Variants in MEIOB observed in about 807,000 individuals in gnomAD.
The protein encoded by MEIOB is meiosis-specific with OB domain-containing protein.
A neutral mutation model predicts 53.1 loss-of-function variants in MEIOB; 50 were observed. The ratio of observed to expected loss-of-function variants is 0.94; its 90% CI spans 0.75 to 1.19. The LOEUF (loss-of-function observed/expected upper bound fraction) is 1.19, where lower values mean the gene tolerates loss of function less well. Ranked by LOEUF, MEIOB falls within the 50% of genes most tolerant of loss-of-function variation. The probability of loss-of-function intolerance (pLI) is 0.00; values close to 1 mark genes in which losing one functional copy is unlikely to be tolerated. For synonymous variants in MEIOB, 192 were observed against 182.5 expected (o/e 1.05, Z -0.42); for missense variants, 551 against 550.8 (o/e 1.00, Z 0.00).
At chr16:1,849,954 T>C (rs1476177623) in intron 9 of MEIOB, among the ~76,000 whole-genome samples, 2 of 152,252 alleles carry the variant, frequency 1.3e-5, no homozygotes, top group Non-Finnish European at 2.9e-5. Context: ...ACATAGTGTA[T>C]AAAATGTATT....
intron 10 of MEIOB, among the ~76,000 whole-genome samples, chr16:1,842,996 T>G: frequency 7.8e-5 from 1 of 12,828 alleles, no homozygotes; most frequent in South Asian, 5.0e-3. Context: ...GGAAGAGAAT[T>G]TAAAAGTACA....
chr16:1,851,226 C>T (rs1899162093), intron 9 of MEIOB, among the ~76,000 whole-genome samples: 1 of 152,160 alleles, frequency 6.6e-6, no homozygotes, highest in Non-Finnish European at 1.5e-5. Context: ...CTCCTGCTGG[C>T]CTTGAACTCC....
At chr16:1,861,568 G>C (rs1333512778) in intron 4 of MEIOB, among the ~76,000 whole-genome samples, 1 of 140,854 alleles carries the variant, frequency 7.1e-6, no homozygotes, top group African/African-American at 2.7e-5. Context: ...TTTGAGACAG[G>C]GTCTTACTCT....
At chr16:1,849,708 G>A (rs201727257) in intron 9 of MEIOB, among the ~76,000 whole-genome samples, 2 of 151,966 alleles carry the variant, frequency 1.3e-5, no homozygotes, top group East Asian at 3.9e-4. Flanking sequence ...ACAAATTCGT[G>A]CATTCTCGCG....
intron 7 of MEIOB, 46 bp downstream of exon 7, chr16:1,854,054 G>T: frequency 9.1e-7 from 1 of 1,101,342 alleles, no homozygotes; most frequent in Non-Finnish European, 1.3e-6. Context: ...ATGTCCTGGT[G>T]ATAACTACAG....
chr16:1,860,571 C>T (rs923191395), intron 4 of MEIOB, 96 bp from the exon 5 acceptor site: 11 of 692,846 alleles, frequency 1.6e-5, no homozygotes, highest in South Asian at 3.7e-5. Flanking sequence ...TGATCATCAT[C>T]GACTCTAGGC....
chr16:1,841,572 A>G (rs1898912659), intron 11 of MEIOB, among the ~76,000 whole-genome samples: 2 of 152,232 alleles, frequency 1.3e-5, no homozygotes, highest in Non-Finnish European at 2.9e-5. Context: ...AAGTTTGTCA[A>G]AAGTTTCTCA....
intron 4 of MEIOB, among the ~76,000 whole-genome samples, chr16:1,861,036 A>G (rs1899428057): frequency 6.6e-6 from 1 of 152,180 alleles, no homozygotes; most frequent in African/African-American, 2.4e-5. Flanking sequence ...CACACGTTAT[A>G]CTAGGTACAC....
At chr16:1,871,337 A>C (rs1460099124) in intron 1 of MEIOB, among the ~76,000 whole-genome samples, 2 of 124,512 alleles carry the variant, frequency 1.6e-5, no homozygotes, top group African/African-American at 6.2e-5. Flanking sequence ...CTCCTGCCTC[A>C]GCCTCCCGAG....
chr16:1,870,679 G>A lies in MEIOB; in HGVS notation c.-10+1314C>T, dbSNP rs187906664. 4.7e-3 allele frequency among the ~76,000 whole-genome samples: 713 copies of A among 152,282 alleles called. 7 individuals are homozygous for A. The highest frequency in any genetic ancestry group is 5.8e-3 in the Non-Finnish European group (395 of 68,024). On this transcript the variant is annotated intron_variant, in intron 1 of 13. Coordinates refer to ENST00000325962, the MANE Select transcript of MEIOB (RefSeq NM_001163560.3). ...GCCCTGCTTGTCAATATTATCCAAT[G>A]TACCAGTTTTTGTATTCAAGGCCTT...
intron 2 of MEIOB, 108 bp downstream of exon 2, chr16:1,867,999 T>C (rs1899636501): frequency 1.6e-6 from 1 of 630,458 alleles, no homozygotes; most frequent in Non-Finnish European, 2.8e-6. Context: ...TGAGTATCTA[T>C]ATACTTGCCA....
chr16:1,839,217 G>A (rs1331033206), intron 12 of MEIOB, 38 bp downstream of exon 12: 11 of 1,511,258 alleles, frequency 7.3e-6, no homozygotes, highest in Non-Finnish European at 9.8e-6. Flanking sequence ...CATTCACTTT[G>A]GAAATATTCT....
At position 1,868,156 on chromosome 16, in the gene MEIOB, G is replaced by A. The variant is rs79341666; in HGVS notation, c.20C>T (p.Ala7Val). The A allele has an allele frequency of 1.3e-3, 1,923 of 1,529,518 alleles. 17 individuals carry two copies. In the African/African-American group the frequency reaches 0.023, roughly 18 times the overall value. The allele number at this position is 1,529,518 out of a possible 1,614,324, so 94.7% of individuals were successfully genotyped here. A position where few individuals can be genotyped will look rare whatever the true frequency, so the allele number is the denominator to read the frequency against. Residue 7 changes from alanine (A) to valine (V), a missense_variant, in exon 2 of 14, where the codon GCG (alanine) becomes GTG (valine). Physicochemically the swap from Ala to Val is moderately conservative, Grantham distance 64. Transcript: ENST00000325962. ...ATCTGAAAGGGTAGTGAAAATCCTCGCTGCAAAGGAGTTTGCCATTTTTTT... is the reference window on the plus strand; with the variant it reads ...ATCTGAAAGGGTAGTGAAAATCCTCACTGCAAAGGAGTTTGCCATTTTTTT... MANSFAARIFTTLSDLQ... is the reference protein window; with the variant it reads MANSFAVRIFTTLSDLQ...
intron 4 of MEIOB, among the ~76,000 whole-genome samples, chr16:1,861,047 C>T (rs1899428432): frequency 6.6e-6 from 1 of 152,052 alleles, no homozygotes; most frequent in Non-Finnish European, 1.5e-5. Context: ...CTAGGTACAC[C>T]ATCTCATTTA....
intron 1 of MEIOB, among the ~76,000 whole-genome samples, chr16:1,870,119 G>A (rs1468155712): frequency 2.6e-5 from 4 of 151,106 alleles, no homozygotes; most frequent in South Asian, 4.2e-4. Flanking sequence ...TGATCCACCC[G>A]CATCAGCCTC....
intron 3 of MEIOB, among the ~76,000 whole-genome samples, chr16:1,863,813 C>G (rs903867195): frequency 1.3e-5 from 2 of 152,068 alleles, no homozygotes; most frequent in African/African-American, 4.8e-5. Flanking sequence ...CACTAGGGGT[C>G]AGCAAATACT....
At position 1,866,616 on chromosome 16, in the gene MEIOB, C is replaced by T. The variant is rs557893937; in HGVS notation, c.70-781G>A. Among the ~76,000 whole-genome samples the T allele has an allele frequency of 3.0e-4, 45 of 151,868 alleles. 1 individual carries two copies. The South Asian group carries it at 5.0e-3, about 17-fold the overall frequency. ...GGGTGCCTGTAATCCCAGCTACTCG[C>T]GAGGCTGAGGCAGGAGAATCGCTTG... On this transcript the variant is annotated intron_variant, in intron 2 of 13. Coordinates refer to ENST00000325962, the MANE Select transcript of MEIOB (RefSeq NM_001163560.3).
chr16:1,861,328 C>T (rs940447776), intron 4 of MEIOB, among the ~76,000 whole-genome samples: 3 of 152,102 alleles, frequency 2.0e-5, no homozygotes, highest in Non-Finnish European at 4.4e-5. Context: ...TTATCAAAAT[C>T]TATTCAGTGG....
In MEIOB at chr16:1,853,079, T is replaced by G; in HGVS notation, c.738A>C (p.Thr246=). ...INFDKFRNCM[T]ATVISKTIIT... ...TAATGGTTTTTGAGATTACAGTTGCTGTCATGCAGTTCCGAAATTTGTCAA... is the reference window on the plus strand; with the variant it reads ...TAATGGTTTTTGAGATTACAGTTGCGGTCATGCAGTTCCGAAATTTGTCAA... The change falls in exon 9 of 14, where the codon ACA becomes ACC. Residue 246 remains threonine, a synonymous_variant. Transcript: ENST00000325962. 2 of 1,613,046 alleles carry G rather than the reference T, an allele frequency of 1.2e-6. No homozygotes were observed. The highest frequency in any genetic ancestry group is 1.7e-6 in the Non-Finnish European group (2 of 1,179,244).
Sources: gnomAD v4.1 joint callset for allele counts (sites outside exome capture counted in the v4.1 genomes callset) on GRCh38, gnomAD v4.1.1 for gene constraint, MANE v1.5 for transcripts, NCBI Gene and HGNC (gene_info 2026-07-23, HGNC 2026-07-21) for gene names.